The following SLC4A4 variants were observed in gnomAD, a reference collection of about 807,000 sequenced individuals.
SLC4A4 encodes the protein electrogenic sodium bicarbonate cotransporter 1.
SLC4A4 carries 27 observed loss-of-function variants against 111.5 expected under a neutral mutation model. That is an observed-to-expected ratio of 0.24 (90% CI 0.18 to 0.33). The LOEUF is 0.33. Ranked by LOEUF, SLC4A4 falls within the 10% of genes least tolerant of loss-of-function variation. The pLI is 1.00. For missense variants in SLC4A4, 909 were observed against 1,315.5 expected (o/e 0.69, Z 4.78); for synonymous variants, 443 against 463.4 (o/e 0.96, Z 0.57).
chr4:71,390,504 A>G (rs895517715), intron 6 of SLC4A4, among the ~76,000 whole-genome samples: 1 of 152,102 alleles, frequency 6.6e-6, no homozygotes, highest in Non-Finnish European at 1.5e-5. Context: ...GTGGTTTGTG[A>G]CAACTATTTA....
intron 12 of SLC4A4, 32 bp downstream of exon 12, chr4:71,453,701 T>A (rs769771363): frequency 6.2e-7 from 1 of 1,610,076 alleles, no homozygotes; most frequent in South Asian, 1.1e-5. Context: ...ACACAAATAG[T>A]ACAGCCCAGA....
intron 2 of SLC4A4, among the ~76,000 whole-genome samples, chr4:71,178,463 A>G (rs1029900337): frequency 2.0e-5 from 3 of 152,178 alleles, no homozygotes; most frequent in African/African-American, 7.2e-5. Flanking sequence ...CGCTAGCAAG[A>G]CTAATAAAGA....
chr4:71,099,877 C>A (rs1394130377), intron 2 of SLC4A4, among the ~76,000 whole-genome samples: 1 of 152,118 alleles, frequency 6.6e-6, no homozygotes, highest in African/African-American at 2.4e-5. Context: ...TTCCTGGCTA[C>A]ATATATCCTC....
chr4:71,276,846 G>A (rs763414537), intron 3 of SLC4A4, among the ~76,000 whole-genome samples: 1 of 151,912 alleles, frequency 6.6e-6, no homozygotes, highest in Non-Finnish European at 1.5e-5. Context: ...CCAGGAGTTC[G>A]AGACCAGCCT....
At chr4:71,155,085 G>GGT (rs36062875) in intron 2 of SLC4A4, among the ~76,000 whole-genome samples, 16 of 150,338 alleles carry the variant, frequency 1.1e-4, no homozygotes, top group Non-Finnish European at 1.5e-5. Flanking sequence ...TGTATTATGG[G>GGT]GTGTGTGTGT....
intron 1 of SLC4A4, among the ~76,000 whole-genome samples, chr4:71,066,901 T>C (rs904571643): frequency 1.3e-5 from 2 of 152,180 alleles, no homozygotes; most frequent in African/African-American, 4.8e-5. Context: ...GGGAGGGAGC[T>C]TAGTGGGTTT....
intron 1 of SLC4A4, among the ~76,000 whole-genome samples, chr4:71,200,335 T>C (rs1404009866): frequency 1.3e-5 from 2 of 152,216 alleles, no homozygotes; most frequent in Non-Finnish European, 2.9e-5. Context: ...TTGAAGCTTA[T>C]TAATTGTCTA....
At chr4:71,537,215 T>C (rs944462099) in intron 18 of SLC4A4, among the ~76,000 whole-genome samples, 4 of 149,928 alleles carry the variant, frequency 2.7e-5, no homozygotes, top group African/African-American at 7.3e-5. Flanking sequence ...GGTAACAGAC[T>C]CTAATGCGTT....
intron 3 of SLC4A4, among the ~76,000 whole-genome samples, chr4:71,284,094 A>G: frequency 6.6e-6 from 1 of 152,338 alleles, no homozygotes; most frequent in Non-Finnish European, 1.5e-5. Flanking sequence ...ATAGGTAAAA[A>G]TTAGCCTCTA....
intron 8 of SLC4A4, among the ~76,000 whole-genome samples, chr4:71,445,401 T>TA (rs1442418120): frequency 1.1e-4 from 16 of 152,280 alleles, no homozygotes; most frequent in Non-Finnish European, 1.9e-4. Context: ...TGTCAGTTGA[T>TA]AAATACATTT....
intron 1 of SLC4A4, among the ~76,000 whole-genome samples, chr4:71,190,330 AT>A (rs1325440737): frequency 2.0e-5 from 3 of 149,372 alleles, no homozygotes; most frequent in African/African-American, 7.4e-5. Context: ...AGCTTTGGTT[AT>A]TTTTCCAGCA....
chr4:71,388,527 A>G (rs566478287), intron 6 of SLC4A4, among the ~76,000 whole-genome samples: 10 of 150,434 alleles, frequency 6.6e-5, no homozygotes, highest in Non-Finnish European at 1.3e-4. Flanking sequence ...GCTACCTATT[A>G]TATTATATTC....
At chr4:71,385,637 T>A (rs1425590197) in intron 6 of SLC4A4, among the ~76,000 whole-genome samples, 3 of 152,224 alleles carry the variant, frequency 2.0e-5, no homozygotes, top group African/African-American at 7.2e-5. Flanking sequence ...TGTAATGAAC[T>A]GTAAGTACAT....
chr4:71,173,505 C>T (rs1745001940), intron 2 of SLC4A4, among the ~76,000 whole-genome samples: 2 of 152,180 alleles, frequency 1.3e-5, no homozygotes, highest in Admixed American at 6.5e-5. Context: ...CTCAGCCTCC[C>T]AAGTAGCTGG....
intron 7 of SLC4A4, among the ~76,000 whole-genome samples, chr4:71,405,925 G>A (rs1211111023): frequency 1.5e-5 from 2 of 131,552 alleles, no homozygotes; most frequent in East Asian, 2.2e-4. Flanking sequence ...TCTGAAGTAA[G>A]GAGGTGAAAA....
At chr4:71,467,751 A>G (rs1172006571) in intron 13 of SLC4A4, among the ~76,000 whole-genome samples, 1 of 152,140 alleles carries the variant, frequency 6.6e-6, no homozygotes, top group Non-Finnish European at 1.5e-5. Context: ...AATAGATTCA[A>G]AATCAAATTG....
chr4:71,494,967 A>C (rs1332149289), intron 15 of SLC4A4, among the ~76,000 whole-genome samples: 1 of 152,092 alleles, frequency 6.6e-6, no homozygotes, highest in Non-Finnish European at 1.5e-5. Context: ...TATTAGCTAG[A>C]ATTTAAGTTT....
At chr4:71,456,373 G>C (rs1174670365) in intron 12 of SLC4A4, among the ~76,000 whole-genome samples, 1 of 152,074 alleles carries the variant, frequency 6.6e-6, no homozygotes. Flanking sequence ...ATTTAAATTT[G>C]TTGAACCAAA....
chr4:71,375,164 T>C (rs2148939280), intron 6 of SLC4A4, among the ~76,000 whole-genome samples: 1 of 152,188 alleles, frequency 6.6e-6, no homozygotes, highest in East Asian at 1.9e-4. Context: ...GTTGGGCATA[T>C]GGAAACGCAT....
Sources: gnomAD v4.1 joint callset for allele counts (sites outside exome capture counted in the v4.1 genomes callset) on GRCh38, gnomAD v4.1.1 for gene constraint, MANE v1.5 for transcripts, NCBI Gene and HGNC (gene_info 2026-07-23, HGNC 2026-07-21) for gene names.